Variants in RHBDF1 observed in about 807,000 individuals in gnomAD.
RHBDF1 encodes rhomboid 5 homolog 1.
Under a neutral mutation model 98.6 loss-of-function variants are expected in RHBDF1, and 80 were observed. That is an observed-to-expected ratio of 0.81 (90% CI 0.68 to 0.98). RHBDF1 has a LOEUF of 0.98. Among genes scored for constraint, RHBDF1 ranks in the 50% least tolerant of loss-of-function variants. The probability of loss-of-function intolerance (pLI) is 0.00; values close to 1 mark genes in which losing one functional copy is unlikely to be tolerated. For missense variants in RHBDF1, 1,116 were observed against 1,198.3 expected (o/e 0.93, Z 1.01); for synonymous variants, 512 against 486.8 (o/e 1.05, Z -0.68).
intron 7 of RHBDF1, chr16:62,269 G>T (rs1321191440): frequency 2.7e-6 from 2 of 732,948 alleles, no homozygotes; most frequent in East Asian, 5.5e-5. Flanking sequence ...AACTCAGCAA[G>T]TATCACCTCT....
In RHBDF1 at chr16:61,707, G is replaced by GAGCGTC; in HGVS notation, c.1209-17_1209-12dup. On this transcript the variant is annotated splice_polypyrimidine_tract_variant and intron_variant, in intron 8 of 17. Coordinates refer to ENST00000262316, the MANE Select transcript of RHBDF1 (RefSeq NM_022450.5). The stretch of plus-strand genomic sequence containing the variant: ...TAGGTGAAGAAGGGCCTGCGGGGTG[G>GAGCGTC]AGCGTCAGCGGGGGCCTCATCCCCG... The GAGCGTC allele has an allele frequency of 6.2e-7, 1 of 1,613,134 alleles. No individual in the cohort carries two copies. Among genetic ancestry groups the GAGCGTC allele is most frequent in the East Asian group, 2.2e-5 (1 of 44,864 alleles).
In RHBDF1 at chr16:72,624, G is replaced by GCC. The variant is rs1596478590; in HGVS notation, c.-137_-136insGG. On this transcript the variant is annotated 5_prime_UTR_variant, in exon 1 of 18. Coordinates refer to ENST00000262316, the MANE Select transcript of RHBDF1 (RefSeq NM_022450.5). ...GCCCGCCCGCCGGTCCGGCCCGCCCGGGAATGCCCTGGAGCGAGGGGCGTG... is the reference window on the plus strand; with the variant it reads ...GCCCGCCCGCCGGTCCGGCCCGCCCGCCGGAATGCCCTGGAGCGAGGGGCGTG... 1 of 972,302 alleles carries GCC rather than the reference G, an allele frequency of 1.0e-6. No homozygotes were observed. Among genetic ancestry groups the GCC allele is most frequent in the Non-Finnish European group, 1.2e-6 (1 of 823,548 alleles). The allele number at this position is 972,302 out of a possible 1,614,324, so 60.2% of individuals were successfully genotyped here.
In RHBDF1 at chr16:59,112, C is replaced by T. The variant is rs1897499493; in HGVS notation, c.2010G>A (p.Leu670=). ...CAGTCATCTGGAAGCAGATGGACACCAGGCAGTGCAAGATCCTGTAGTCAG... is the reference window on the plus strand; with the variant it reads ...CAGTCATCTGGAAGCAGATGGACACTAGGCAGTGCAAGATCCTGTAGTCAG... ...LFLHAGILHC[L]VSICFQMTVL... Residue 670 remains leucine (L), a synonymous_variant, in exon 17 of 18, where the codon CTG becomes CTA. Transcript: ENST00000262316. 1.2e-6 allele frequency: 2 copies of T among 1,613,412 alleles called. No homozygotes were observed. The highest frequency in any genetic ancestry group is 2.2e-5 in the South Asian group (2 of 91,086).
At chr16:75,924 G>A (rs1261431994), upstream of RHBDF1, among the ~76,000 whole-genome samples, 1 of 152,154 alleles carries the variant, frequency 6.6e-6, no homozygotes, top group Non-Finnish European at 1.5e-5. Flanking sequence ...GCACCCTGGG[G>A]TCATAAGGCT....
chr16:65,694 C>T (rs2141860013), intron 1 of RHBDF1, among the ~76,000 whole-genome samples: 1 of 152,324 alleles, frequency 6.6e-6, no homozygotes, highest in Non-Finnish European at 1.5e-5. Context: ...GCCCACTATG[C>T]ACATGACAGC....
chr16:74,921 T>TGAC (rs1374473497), upstream of RHBDF1: 1 of 148,788 alleles, frequency 6.7e-6, no homozygotes, highest in Admixed American at 6.8e-5. Context: ...CTCCCTTCCC[T>TGAC]GACTCTCTTT....
chr16:67,168 A>G (rs987414311), intron 1 of RHBDF1, among the ~76,000 whole-genome samples: 10 of 152,252 alleles, frequency 6.6e-5, no homozygotes, highest in African/African-American at 2.4e-4. Flanking sequence ...AATTTCAGAC[A>G]GCATCAGACA....
rs528100051 is a variant in RHBDF1 at position 70,022 on chromosome 16, C to G, written c.-25+2491G>C. ...CAGCACTTGGCAGGAGGGGGGGGGG[C>G]ACTGCCCCAAGGCTCAGCTAGCAAA... On this transcript the variant is annotated intron_variant, in intron 1 of 17. Transcript: ENST00000262316. Among the ~76,000 whole-genome samples the G allele has an allele frequency of 3.4e-5, 5 of 149,124 alleles. No homozygotes were observed. In the East Asian group the frequency reaches 7.8e-4, roughly 23 times the overall value.
intron 1 of RHBDF1, among the ~76,000 whole-genome samples, chr16:65,484 T>G (rs1047526416): frequency 1.3e-5 from 2 of 152,116 alleles, no homozygotes; most frequent in African/African-American, 2.4e-5. Flanking sequence ...GGCCTCCCCA[T>G]GAAGTAACAG....
At position 59,790 on chromosome 16, in the gene RHBDF1, G is replaced by A; in HGVS notation, c.1759C>T (p.His587Tyr). The A allele has an allele frequency of 6.2e-7, 1 of 1,614,174 alleles. No individual in the cohort carries two copies. The highest frequency in any genetic ancestry group is 8.5e-7 in the Non-Finnish European group (1 of 1,180,026). ...GTGATGACACAGTCCATGTGGGGAT[G>A]GTTGGTGTGGTTCCCAGCGCTGTTT... ...TKNSAGNHTN[H>Y]PHMDCVITGR... The change falls in exon 14 of 18, where the codon CAT becomes TAT. Residue 587 changes from histidine to tyrosine, a missense_variant. Coordinates refer to ENST00000262316, the MANE Select transcript of RHBDF1 (RefSeq NM_022450.5).
upstream of RHBDF1, among the ~76,000 whole-genome samples, chr16:75,641 G>C (rs548191379): frequency 6.6e-6 from 1 of 152,282 alleles, no homozygotes; most frequent in South Asian, 2.1e-4. Flanking sequence ...CCCAGGGCCT[G>C]GCAGCACAGC....
chr16:66,084 A>T (rs1451911786), intron 1 of RHBDF1, among the ~76,000 whole-genome samples: 1 of 152,152 alleles, frequency 6.6e-6, no homozygotes, highest in Admixed American at 6.5e-5. Context: ...ACCCAGGGGG[A>T]CCACACGGCG....
chr16:71,428 T>G (rs1897965247), intron 1 of RHBDF1, among the ~76,000 whole-genome samples: 1 of 152,200 alleles, frequency 6.6e-6, no homozygotes, highest in South Asian at 2.1e-4. Flanking sequence ...CCCCAGCTTC[T>G]GCCCACCCTT....
At position 61,675 on chromosome 16, in the gene RHBDF1, A is replaced by T. The variant is rs1288700631; in HGVS notation, c.1230T>A (p.Leu410=). ...TGGTGACGAGCGAGTGCACGAAGGT[A>T]AGCCAGTAGGTGAAGAAGGGCCTGC... ...DDHRPFFTYW[L]TFVHSLVTIL... Residue 410 remains leucine, a synonymous_variant, in exon 9 of 18, where the codon CTT becomes CTA. Transcript: ENST00000262316. The T allele has an allele frequency of 6.2e-7, 1 of 1,613,476 alleles. No homozygotes were observed.
chr16:59,732 C>A lies in RHBDF1; in HGVS notation c.1817G>T (p.Arg606Met). 1.2e-6 allele frequency: 2 copies of A among 1,613,996 alleles called. No individual in the cohort carries two copies. The highest frequency in any genetic ancestry group is 1.7e-6 in the Non-Finnish European group (2 of 1,179,940). The change falls in exon 14 of 18, where the codon AGG (arginine) becomes ATG (methionine). Residue 606 changes from arginine to methionine, a missense_variant and splice_region_variant. Transcript: ENST00000262316. ...GRPCCIGTKG[R>M]CEITSREYCD... ...TGCACTCGCTGGCACGCACACGTAC[C>A]TGCCCTTGGTGCCAATGCAGCAGGG... is the stretch of plus-strand genomic sequence containing the variant.
In RHBDF1 at chr16:72,556, G is replaced by GAA. The variant is rs1898003959; in HGVS notation, c.-69_-68insTT. On this transcript the variant is annotated 5_prime_UTR_variant, in exon 1 of 18. Coordinates refer to ENST00000262316, the MANE Select transcript of RHBDF1 (RefSeq NM_022450.5). ...TGGGGGGTCCTGAGGGCGCCGGGGA[G>GAA]GAGGCTGCCGCCGCTGGCCGGGAGG... 9.6e-6 allele frequency: 8 copies of GAA among 830,990 alleles called. No homozygotes were observed. Among genetic ancestry groups the GAA allele is most frequent in the Non-Finnish European group, 9.2e-6 (7 of 759,738 alleles). 51.5% of individuals were successfully genotyped at this position (830,990 alleles called of 1,614,324 possible).
intron 1 of RHBDF1, among the ~76,000 whole-genome samples, chr16:70,019 G>T: frequency 6.6e-6 from 1 of 152,012 alleles, no homozygotes; most frequent in African/African-American, 2.4e-5. Context: ...GGAGGGGGGG[G>T]GGCACTGCCC....
intron 3 of RHBDF1, 161 bp downstream of exon 3, chr16:64,538 G>C (rs1897769985): frequency 6.5e-7 from 1 of 1,546,028 alleles, no homozygotes; most frequent in Admixed American, 1.9e-5. Context: ...AGAGCGGTCA[G>C]TATCCAGAAC....
intron 1 of RHBDF1, among the ~76,000 whole-genome samples, chr16:69,247 G>A (rs1897910098): frequency 6.6e-6 from 1 of 152,202 alleles, no homozygotes; most frequent in African/African-American, 2.4e-5. Flanking sequence ...GTGGAGAGCT[G>A]CATCCTCAGG....
Sources: gnomAD v4.1 joint callset for allele counts (sites outside exome capture counted in the v4.1 genomes callset) on GRCh38, gnomAD v4.1.1 for gene constraint, MANE v1.5 for transcripts, NCBI Gene and HGNC (gene_info 2026-07-23, HGNC 2026-07-21) for gene names.